The following RCOR1 variants were observed in gnomAD, a reference collection of about 807,000 sequenced individuals.
RCOR1 encodes the protein REST corepressor.
A neutral mutation model predicts 64.0 loss-of-function variants in RCOR1; 12 were observed. That is an observed-to-expected ratio of 0.19 (90% confidence interval 0.12 to 0.30). The LOEUF is 0.30. Ranked by LOEUF, RCOR1 falls within the 10% of genes least tolerant of loss-of-function variation. The pLI is 1.00. For synonymous variants in RCOR1, 279 were observed against 227.2 expected, an observed-to-expected ratio of 1.23 and a Z score of -2.05; for missense variants, 502 against 621.2, an observed-to-expected ratio of 0.81 and a Z score of 2.04.
chr14:102,617,455 A>G (rs1321367343), intron 2 of RCOR1, among the ~76,000 whole-genome samples: 1 of 152,168 alleles, frequency 6.6e-6, no homozygotes, highest in Non-Finnish European at 1.5e-5. Context: ...GTAAAACCAT[A>G]GTAATTGGCT....
At chr14:102,723,163 G>A (rs953634809) in intron 11 of RCOR1, among the ~76,000 whole-genome samples, 3 of 152,222 alleles carry the variant, frequency 2.0e-5, no homozygotes, top group African/African-American at 7.2e-5. Flanking sequence ...TTGTTCACAG[G>A]CATGGTAATT....
chr14:102,691,808 T>A (rs1179840944), intron 3 of RCOR1, among the ~76,000 whole-genome samples: 2 of 152,254 alleles, frequency 1.3e-5, no homozygotes, highest in African/African-American at 4.8e-5. Context: ...TTCATTGTGT[T>A]CAGTTTTAGT....
intron 3 of RCOR1, among the ~76,000 whole-genome samples, chr14:102,692,329 C>G (rs1895550709): frequency 6.6e-6 from 1 of 151,964 alleles, no homozygotes; most frequent in South Asian, 2.1e-4. Flanking sequence ...AATTTACTGT[C>G]CTGTGGTTAT....
At chr14:102,698,081 G>A (rs1895682262) in intron 3 of RCOR1, among the ~76,000 whole-genome samples, 1 of 152,210 alleles carries the variant, frequency 6.6e-6, no homozygotes, top group African/African-American at 2.4e-5. Flanking sequence ...ATACCTTATT[G>A]TTTACAATAT....
Position 102,729,943 on chromosome 14 carries a change from C to A in RCOR1, c.*3437C>A, listed in dbSNP as rs545843869. The A allele has an allele frequency of 7.5e-6, 3 of 398,958 alleles. No individual in the cohort carries two copies. The highest frequency in any genetic ancestry group is 1.3e-5 in the Non-Finnish European group (3 of 226,080). The allele number at this position is 398,958 out of a possible 1,614,324, so 24.7% of individuals were successfully genotyped here. A position where few individuals can be genotyped will look rare whatever the true frequency, so the allele number is the denominator to read the frequency against. ...TCAAGTGAAACTTTCCTCAGATGGA[C>A]TCCAGGTAGCCAGGTCACCTAAACC... On this transcript the variant is annotated 3_prime_UTR_variant, in exon 12 of 12. Coordinates refer to ENST00000262241, the MANE Select transcript of RCOR1 (RefSeq NM_015156.4).
At chr14:102,628,817 G>T (rs1027636601) in intron 2 of RCOR1, among the ~76,000 whole-genome samples, 12 of 152,018 alleles carry the variant, frequency 7.9e-5, no homozygotes, top group African/African-American at 2.4e-4. Context: ...GCCTCCCAAA[G>T]TGCTGGGATT....
Position 102,699,775 on chromosome 14 carries a change from GTGT to G in RCOR1, c.446-1495_446-1493del, listed in dbSNP as rs1417801001. On this transcript the variant is annotated intron_variant, in intron 3 of 11. Coordinates refer to ENST00000262241, the MANE Select transcript of RCOR1 (RefSeq NM_015156.4). ...CCTTGATTTTTTTTTTTTTTAGCTTGTGTTGTTGTTATTTTTTTAATTCATAAA... is the reference window on the plus strand; with the variant it reads ...CCTTGATTTTTTTTTTTTTTAGCTTGTGTTGTTATTTTTTTAATTCATAAA... Among the ~76,000 whole-genome samples the G allele has an allele frequency of 2.9e-3, 438 of 150,092 alleles. 2 individuals carry two copies. Among genetic ancestry groups the G allele is most frequent in the African/African-American group, 1.0e-2 (407 of 40,870 alleles).
chr14:102,639,811 G>A (rs915366380), intron 2 of RCOR1, among the ~76,000 whole-genome samples: 2 of 132,270 alleles, frequency 1.5e-5, no homozygotes. Context: ...GGGGTTACAG[G>A]TGTGACACTG....
At chr14:102,706,972 C>T (rs1895871665) in intron 4 of RCOR1, among the ~76,000 whole-genome samples, 1 of 151,968 alleles carries the variant, frequency 6.6e-6, no homozygotes, top group Admixed American at 6.5e-5. Context: ...AACAAGTTAT[C>T]ACCATCCTGA....
intron 4 of RCOR1, among the ~76,000 whole-genome samples, chr14:102,706,971 T>C (rs556840692): frequency 6.6e-6 from 1 of 152,222 alleles, no homozygotes; most frequent in African/African-American, 2.4e-5. Context: ...TAACAAGTTA[T>C]CACCATCCTG....
chr14:102,595,392 C>CG (rs1302231215), intron 2 of RCOR1, among the ~76,000 whole-genome samples: 5 of 151,792 alleles, frequency 3.3e-5, no homozygotes, highest in South Asian at 4.2e-4. Context: ...GTTTCAGCTA[C>CG]GGGGGGGTCT....
At chr14:102,625,954 T>A (rs1176879344) in intron 2 of RCOR1, among the ~76,000 whole-genome samples, 1 of 152,206 alleles carries the variant, frequency 6.6e-6, no homozygotes, top group Non-Finnish European at 1.5e-5. Flanking sequence ...CCTCTATTCC[T>A]GGGATCCTGT....
chr14:102,664,358 A>G (rs548014907), intron 2 of RCOR1, among the ~76,000 whole-genome samples: 1 of 151,942 alleles, frequency 6.6e-6, no homozygotes, highest in Admixed American at 6.6e-5. Flanking sequence ...CAAATCGTCT[A>G]CCCGCCTGAG....
At position 102,707,342 on chromosome 14, in the gene RCOR1, T is replaced by C; in HGVS notation, c.499-9T>C. ...TTGATCTAAAATTTTACTGATATCA[T>C]TTTTGTAGGCTCTTGGGATGCTCTT... is the stretch of plus-strand genomic sequence containing the variant. On this transcript the variant is annotated splice_polypyrimidine_tract_variant and intron_variant, in intron 4 of 11. Transcript: ENST00000262241. 1 of 1,564,956 alleles carries C rather than the reference T, an allele frequency of 6.4e-7. No individual in the cohort carries two copies. The highest frequency in any genetic ancestry group is 8.6e-7 in the Non-Finnish European group (1 of 1,162,876).
intron 3 of RCOR1, among the ~76,000 whole-genome samples, chr14:102,689,638 G>A (rs920759428): frequency 6.6e-6 from 1 of 152,062 alleles, no homozygotes; most frequent in Non-Finnish European, 1.5e-5. Context: ...TTTGCATTTT[G>A]GGTTTTTTAT....
rs117878801 is a variant in RCOR1, at chr14:102,717,180, C to T, written c.1053+2563C>T. Reference sequence around the variant, plus strand: ...TAGTACATTTAAACTGAAAATTCAACCTAGTAGTTGGGTCCTGTCCTTTCA... The same window carrying T: ...TAGTACATTTAAACTGAAAATTCAATCTAGTAGTTGGGTCCTGTCCTTTCA... On this transcript the variant is annotated intron_variant, in intron 8 of 11. Coordinates refer to ENST00000262241, the MANE Select transcript of RCOR1 (RefSeq NM_015156.4). 6.6e-5 allele frequency among the ~76,000 whole-genome samples: 10 copies of T among 152,310 alleles called. No individual in the cohort carries two copies. The East Asian group carries it at 1.9e-3, about 29-fold the overall frequency.
At chr14:102,647,049 TAAATC>T (rs1894489526) in intron 2 of RCOR1, among the ~76,000 whole-genome samples, 1 of 152,188 alleles carries the variant, frequency 6.6e-6, no homozygotes, top group African/African-American at 2.4e-5. Flanking sequence ...GAAACAATAT[TAAATC>T]AACACATTAA....
chr14:102,631,334 C>G (rs1894107112), intron 2 of RCOR1, among the ~76,000 whole-genome samples: 2 of 151,804 alleles, frequency 1.3e-5, no homozygotes, highest in Admixed American at 1.3e-4. Flanking sequence ...TCCCGAGTAG[C>G]TGGGACTACA....
intron 2 of RCOR1, among the ~76,000 whole-genome samples, chr14:102,681,200 A>G (rs147426470): frequency 6.6e-6 from 1 of 152,266 alleles, no homozygotes; most frequent in Non-Finnish European, 1.5e-5. Context: ...TTTTCAGAGT[A>G]ATTTATTTAA....
Sources: allele counts gnomAD v4.1 joint callset (sites outside exome capture counted in the v4.1 genomes callset), GRCh38; gene constraint gnomAD v4.1.1; transcripts MANE v1.5; gene names NCBI Gene and HGNC (gene_info 2026-07-23, HGNC 2026-07-21).